IKBIP: variants seen among roughly 807,000 people sequenced by gnomAD.
IKBIP encodes the protein IKBKB interacting protein.
In IKBIP, 28 loss-of-function variants were observed where a neutral mutation model predicts 31.0. The ratio of observed to expected loss-of-function variants is 0.90; its 90% confidence interval spans 0.67 to 1.24. IKBIP has a LOEUF of 1.24. Among genes scored for constraint, IKBIP ranks in the 50% most tolerant of loss-of-function variants. IKBIP has a pLI of 0.00. For missense variants in IKBIP, 453 were observed against 441.9 expected (o/e 1.03, Z -0.23); for synonymous variants, 164 against 160.3 (o/e 1.02, Z -0.17).
intron 2 of IKBIP, among the ~76,000 whole-genome samples, chr12:98,616,697 T>G (rs905978926): frequency 2.6e-5 from 4 of 152,236 alleles, no homozygotes; most frequent in Non-Finnish European, 5.9e-5. Flanking sequence ...TTCATTCTTC[T>G]GCATAGGATA....
intron 1 of IKBIP, among the ~76,000 whole-genome samples, chr12:98,639,553 T>C (rs1449243485): frequency 6.6e-6 from 1 of 152,208 alleles, no homozygotes; most frequent in Non-Finnish European, 1.5e-5. Context: ...TCATGAGCCA[T>C]TGCAGTCTAT....
rs2097612934 is a variant in IKBIP at position 98,624,978 on chromosome 12, G to A, written c.*952C>T. On this transcript the variant is annotated 3_prime_UTR_variant, in exon 3 of 3. Coordinates refer to ENST00000299157, the MANE Select transcript of IKBIP (RefSeq NM_153687.4). ...CACCACCACGCCTGGCTAATTTTTT[G>A]TATTTTTTAGTAGAGACAGGGTTTC... 2.8e-6 allele frequency: 1 copy of A among 351,630 alleles called. No individual in the cohort carries two copies. Among genetic ancestry groups the A allele is most frequent in the African/African-American group, 2.2e-5 (1 of 45,032 alleles). 21.8% of individuals were successfully genotyped at this position (351,630 alleles called of 1,614,324 possible). A position where few individuals can be genotyped will look rare whatever the true frequency, so the allele number is the denominator to read the frequency against.
chr12:98,638,161 C>T (rs77879115), intron 1 of IKBIP, among the ~76,000 whole-genome samples: 2,315 of 152,242 alleles, frequency 0.015, 36 homozygotes, highest in African/African-American at 0.035. Context: ...ATGGAGGCAA[C>T]GAATCATACT....
intron 2 of IKBIP, among the ~76,000 whole-genome samples, chr12:98,632,109 C>T (rs891002120): frequency 1.1e-4 from 17 of 152,022 alleles, no homozygotes; most frequent in Admixed American, 3.3e-4. Context: ...CTGCTTCGGC[C>T]TCCCAGTGTG....
chr12:98,634,464 C>T (rs770524495), intron 1 of IKBIP, 51 bp from the exon 2 acceptor site: 34 of 937,278 alleles, frequency 3.6e-5, no homozygotes, highest in South Asian at 3.0e-4. Flanking sequence ...CCATTTAAAT[C>T]CGAATTTCAA....
intron 1 of IKBIP, among the ~76,000 whole-genome samples, 194 bp downstream of exon 1, chr12:98,644,329 G>A (rs1264409048): frequency 2.6e-5 from 4 of 152,202 alleles, no homozygotes; most frequent in Admixed American, 2.6e-4. Flanking sequence ...AGCACGGGGG[G>A]AAATGAGATA....
intron 1 of IKBIP, among the ~76,000 whole-genome samples, chr12:98,643,918 C>A (rs1169472185): frequency 6.7e-6 from 1 of 150,048 alleles, no homozygotes; most frequent in Non-Finnish European, 1.5e-5. Context: ...CGGGTTCAAG[C>A]GATTCTCCTG....
Position 98,644,542 on chromosome 12 carries a change from T to A in IKBIP, c.160A>T (p.Thr54Ser), listed in dbSNP as rs1355735744. Residue 54 changes from threonine to serine, a missense_variant, in exon 1 of 3, where the codon ACG (threonine) becomes TCG (serine). Thr to Ser is a moderately conservative substitution (Grantham distance 58). Transcript: ENST00000299157. ...RTCLSLLSLG[T>S]CLGLAWFVFQ... The stretch of plus-strand genomic sequence containing the variant: ...ACTTACCAGGCCAGGCCCAGGCACG[T>A]CCCCAGCGACAGCAGGCTCAGGCAC... The A allele has an allele frequency of 6.2e-7, 1 of 1,604,354 alleles. No homozygotes were observed. The highest frequency in any genetic ancestry group is 1.3e-5 in the African/African-American group (1 of 74,526).
chr12:98,613,963 T>C (rs1445827982), exon 3 of IKBIP: 6 of 1,613,564 alleles, frequency 3.7e-6, no homozygotes, highest in Admixed American at 3.3e-5. Flanking sequence ...GGAGCGTTGC[T>C]GTTCGATCAA....
intron 1 of IKBIP, among the ~76,000 whole-genome samples, chr12:98,643,379 A>G (rs1056381246): frequency 1.3e-5 from 2 of 152,216 alleles, no homozygotes; most frequent in Non-Finnish European, 2.9e-5. Context: ...ATCACTCTGG[A>G]AGATTAACAA....
chr12:98,620,122 CG>C (rs1448067858), downstream of IKBIP, among the ~76,000 whole-genome samples: 2 of 137,986 alleles, frequency 1.4e-5, no homozygotes, highest in African/African-American at 5.4e-5. Context: ...TTAGTAGAGA[CG>C]GGGTTTCACC....
At chr12:98,637,589 A>C (rs894983603) in intron 1 of IKBIP, among the ~76,000 whole-genome samples, 1 of 151,816 alleles carries the variant, frequency 6.6e-6, no homozygotes, top group Admixed American at 6.6e-5. Flanking sequence ...TTGTATTTTT[A>C]GTAGAGATGG....
In IKBIP at chr12:98,625,895, TA is replaced by T; in HGVS notation, c.*34del. 1 of 1,352,304 alleles carries T rather than the reference TA, an allele frequency of 7.4e-7. No homozygotes were observed. Among genetic ancestry groups the T allele is most frequent in the Non-Finnish European group, 9.7e-7 (1 of 1,026,714 alleles). 83.8% of individuals were successfully genotyped at this position (1,352,304 alleles called of 1,614,324 possible). A position where few individuals can be genotyped will look rare whatever the true frequency, so the allele number is the denominator to read the frequency against. ...ATCAATGGACTAATCAATTTATGTA[TA>T]ATGATATGGTTCATCAGAATAAATG... is the stretch of plus-strand genomic sequence containing the variant. On this transcript the variant is annotated 3_prime_UTR_variant, in exon 3 of 3. Transcript: ENST00000299157.
chr12:98,629,436 G>A (rs1277001483), intron 2 of IKBIP, among the ~76,000 whole-genome samples: 1 of 152,070 alleles, frequency 6.6e-6, no homozygotes, highest in African/African-American at 2.4e-5. Flanking sequence ...GTGTGCGCCT[G>A]TAGTCCCAGC....
intron 1 of IKBIP, among the ~76,000 whole-genome samples, chr12:98,634,858 T>C (rs569950702): frequency 5.3e-4 from 80 of 151,836 alleles, no homozygotes; most frequent in Middle Eastern, 3.4e-3. Flanking sequence ...TACAGGCGCC[T>C]GCCACCACGC....
In IKBIP at chr12:98,624,377, C is replaced by A. The variant is rs2097612367; in HGVS notation, c.*1553G>T. 1 of 985,258 alleles carries A rather than the reference C, an allele frequency of 1.0e-6. No homozygotes were observed. The highest frequency in any genetic ancestry group is 1.2e-6 in the Non-Finnish European group (1 of 829,820). 61.0% of individuals were successfully genotyped at this position (985,258 alleles called of 1,614,324 possible). On this transcript the variant is annotated 3_prime_UTR_variant, in exon 3 of 3. Coordinates refer to ENST00000299157, the MANE Select transcript of IKBIP (RefSeq NM_153687.4). ...TAAGACTGCAAAAATTAATGCTATGCCCCTTAATAACAGAACTCTCCAGGC... is the reference window on the plus strand; with the variant it reads ...TAAGACTGCAAAAATTAATGCTATGACCCTTAATAACAGAACTCTCCAGGC...
intron 1 of IKBIP, among the ~76,000 whole-genome samples, chr12:98,635,742 TAGA>T (rs1190398886): frequency 6.6e-6 from 1 of 151,714 alleles, no homozygotes; most frequent in East Asian, 1.9e-4. Flanking sequence ...AGCAGTGGAG[TAGA>T]AGAGAGAAGT....
chr12:98,633,123 T>A (rs188171588), intron 2 of IKBIP, among the ~76,000 whole-genome samples: 31 of 152,290 alleles, frequency 2.0e-4, no homozygotes, highest in African/African-American at 7.2e-4. Context: ...CTCCATTTCA[T>A]CTCTATTTTT....
chr12:98,629,012 G>C (rs2097617438), intron 2 of IKBIP, among the ~76,000 whole-genome samples: 1 of 152,146 alleles, frequency 6.6e-6, no homozygotes. Flanking sequence ...CTCCAAAATT[G>C]GAATCATTAA....
Sources: allele counts gnomAD v4.1 joint callset (sites outside exome capture counted in the v4.1 genomes callset), GRCh38; gene constraint gnomAD v4.1.1; transcripts MANE v1.5; gene names NCBI Gene and HGNC (gene_info 2026-07-23, HGNC 2026-07-21).